INPP5D: variants seen among roughly 807,000 people sequenced by gnomAD.
INPP5D encodes the protein inositol polyphosphate-5-phosphatase D, also known as phosphatidylinositol 3,4,5-trisphosphate 5-phosphatase 1.
In INPP5D, 33 loss-of-function variants were observed where a neutral mutation model predicts 122.9. That is an observed-to-expected ratio of 0.27 (90% CI 0.20 to 0.36). INPP5D has a LOEUF of 0.36. INPP5D is among the 10% of genes least tolerant of loss of function. INPP5D has a pLI of 1.00. For synonymous variants in INPP5D, 584 were observed against 576.2 expected (o/e 1.01, Z -0.19); for missense variants, 1,053 against 1,412.7 (o/e 0.75, Z 4.08).
At chr2:233,098,810 G>A (rs893606439) in intron 2 of INPP5D, among the ~76,000 whole-genome samples, 2 of 152,180 alleles carry the variant, frequency 1.3e-5, no homozygotes, top group Admixed American at 1.3e-4. Context: ...CACGAGTGCA[G>A]TCTCACAGAC....
rs34084880 is a variant in INPP5D, at chr2:233,116,248, G to GATAGATAGATATAGAT, written c.199-5852_199-5851insGATATAGATATAGATA. Among the ~76,000 whole-genome samples the GATAGATAGATATAGAT allele has an allele frequency of 4.2e-3, 574 of 135,226 alleles. 11 individuals are homozygous for GATAGATAGATATAGAT. The highest frequency in any genetic ancestry group is 0.016 in the African/African-American group (519 of 32,042). The allele number at this position is 135,226 out of a possible 152,430, so 88.7% of individuals were successfully genotyped here. ...ATGTAGATAGATAGATAGATAGATA[G>GATAGATAGATATAGAT]ATAGATATAGATATAGATATAGATA... On this transcript the variant is annotated intron_variant, in intron 2 of 26. Transcript: ENST00000445964.
chr2:233,165,553 T>C (rs1406258780), intron 13 of INPP5D, among the ~76,000 whole-genome samples: 1 of 151,992 alleles, frequency 6.6e-6, no homozygotes, highest in Admixed American at 6.6e-5. Context: ...TGTGTGAGTG[T>C]CTATGTGTGT....
At chr2:233,173,150 A>C (rs1040508891) in intron 17 of INPP5D, among the ~76,000 whole-genome samples, 2 of 151,086 alleles carry the variant, frequency 1.3e-5, no homozygotes, top group African/African-American at 4.9e-5. Flanking sequence ...TGGAAGTTGC[A>C]GTGAGCCGAG....
At position 233,158,465 on chromosome 2, in the gene INPP5D, G is replaced by C. The variant is rs1406842482; in HGVS notation, c.1137+46G>C. 3 of 677,330 alleles carry C rather than the reference G, an allele frequency of 4.4e-6. No homozygotes were observed. The Admixed American group carries it at 6.5e-5, about 15-fold the overall frequency. 42.0% of individuals were successfully genotyped at this position (677,330 alleles called of 1,614,324 possible). On this transcript the variant is annotated intron_variant, in intron 10 of 26. Coordinates refer to ENST00000445964, the MANE Select transcript of INPP5D (RefSeq NM_001017915.3). ...AAAATGGGCTGTGAGGTAGGGAGGG[G>C]ACACAAGCGTTTTGAGGCTCGCTGT...
chr2:233,076,644 A>G (rs1384153641), intron 1 of INPP5D, among the ~76,000 whole-genome samples: 1 of 152,240 alleles, frequency 6.6e-6, no homozygotes, highest in East Asian at 1.9e-4. Flanking sequence ...TAACTCCAAA[A>G]TATATTGTAG....
intron 2 of INPP5D, among the ~76,000 whole-genome samples, chr2:233,080,181 C>T (rs756891847): frequency 6.6e-6 from 1 of 152,122 alleles, no homozygotes. Context: ...CTGCCCACCT[C>T]GGCCTCCCAA....
intron 2 of INPP5D, among the ~76,000 whole-genome samples, chr2:233,119,263 G>T (rs916809145): frequency 1.3e-5 from 2 of 152,150 alleles, no homozygotes; most frequent in African/African-American, 4.8e-5. Flanking sequence ...TTCAACTTCA[G>T]CTTTCTTTGG....
In INPP5D at chr2:233,170,341, C is replaced by A; in HGVS notation, c.1792-155C>A. ...GCCTCAGCCGCTCCTCACGGTTCCC[C>A]TGTGCTCACACCCGGTTCCCATAAC... On this transcript the variant is annotated intron_variant, in intron 15 of 26. Transcript: ENST00000445964. The surrounding 1 kb of genome is among the most constrained non-coding windows in gnomAD (Gnocchi z 4.5). 1.3e-6 allele frequency: 2 copies of A among 1,484,928 alleles called. No individual in the cohort carries two copies. The highest frequency in any genetic ancestry group is 1.8e-6 in the Non-Finnish European group (2 of 1,106,762). 92.0% of individuals were successfully genotyped at this position (1,484,928 alleles called of 1,614,324 possible). A position where few individuals can be genotyped will look rare whatever the true frequency, so the allele number is the denominator to read the frequency against.
At chr2:233,172,801 C>T (rs1354041236) in intron 17 of INPP5D, among the ~76,000 whole-genome samples, 2 of 152,168 alleles carry the variant, frequency 1.3e-5, no homozygotes, top group Non-Finnish European at 2.9e-5. Context: ...CCTATTGATC[C>T]TAGGCTACAA....
intron 1 of INPP5D, among the ~76,000 whole-genome samples, chr2:233,065,484 TG>T (rs1428339729): frequency 6.8e-6 from 1 of 147,278 alleles, no homozygotes; most frequent in East Asian, 2.0e-4. Context: ...ATTTTTTTTT[TG>T]TGTTATCCTC....
At chr2:233,186,413 T>C (rs1694916117) in intron 21 of INPP5D, among the ~76,000 whole-genome samples, 1 of 152,196 alleles carries the variant, frequency 6.6e-6, no homozygotes, top group Non-Finnish European at 1.5e-5. Flanking sequence ...ACACACGAAG[T>C]ACTCGACATG....
At chr2:233,167,099 C>T (rs1031098158) in intron 13 of INPP5D, among the ~76,000 whole-genome samples, 6 of 150,770 alleles carry the variant, frequency 4.0e-5, no homozygotes, top group Admixed American at 6.7e-5. Flanking sequence ...CTGCTAGGCA[C>T]GATGGCTCAT....
At chr2:233,121,985 A>G in intron 2 of INPP5D, 122 bp from the exon 3 acceptor site, 4 of 1,147,614 alleles carry the variant, frequency 3.5e-6, no homozygotes, top group South Asian at 1.4e-5. Context: ...TAGGAGCCCA[A>G]GGCTTTTCCT....
chr2:233,204,476 C>G lies in INPP5D; in HGVS notation c.3326C>G (p.Pro1109Arg), dbSNP rs767285687. Residue 1109 changes from proline to arginine, a missense_variant, in exon 26 of 27, where the codon CCG becomes CGG. Transcript: ENST00000445964. ...AAGAGCCAAGGGAAGCCCAAGACCC[C>G]GGTCAGCTCCCAGGCCCCGGTGCCG... ...GDKSQGKPKT[P>R]VSSQAPVPAK... is the part of the protein sequence containing the mutation. 3 of 1,587,630 alleles carry G rather than the reference C, an allele frequency of 1.9e-6. No individual in the cohort carries two copies. Among genetic ancestry groups the G allele is most frequent in the East Asian group, 4.6e-5 (2 of 43,300 alleles).
chr2:233,091,968 G>A (rs1692005336), intron 2 of INPP5D, among the ~76,000 whole-genome samples: 1 of 152,240 alleles, frequency 6.6e-6, no homozygotes, highest in African/African-American at 2.4e-5. Flanking sequence ...GAATGAAGGA[G>A]TAAATTTGCA....
chr2:233,079,243 C>T (rs941749350), intron 1 of INPP5D, 92 bp from the exon 2 acceptor site: 11 of 810,090 alleles, frequency 1.4e-5, no homozygotes, highest in African/African-American at 6.7e-5. Context: ...TGTCCAGATT[C>T]CTCAAGCTGT....
chr2:233,161,672 A>G, intron 10 of INPP5D, 52 bp from the exon 11 acceptor site: 1 of 1,546,344 alleles, frequency 6.5e-7, no homozygotes, highest in Non-Finnish European at 8.7e-7. Flanking sequence ...GCAAAGTGTA[A>G]TGTGCAGGGA....
Position 233,077,490 on chromosome 2 carries a change from T to C in INPP5D, c.135-1845T>C, listed in dbSNP as rs572447552. On this transcript the variant is annotated intron_variant, in intron 1 of 26. Coordinates refer to ENST00000445964, the MANE Select transcript of INPP5D (RefSeq NM_001017915.3). ...GCCTGACCAATATGGAGAAACCCCATCTCTACTAAAAATACAAAATTAGCT... is the reference window on the plus strand; with the variant it reads ...GCCTGACCAATATGGAGAAACCCCACCTCTACTAAAAATACAAAATTAGCT... Among the ~76,000 whole-genome samples, 25 of 152,144 alleles carry C rather than the reference T, an allele frequency of 1.6e-4. No homozygotes were observed. In the East Asian group the frequency reaches 4.8e-3, roughly 29 times the overall value.
chr2:233,186,288 C>G, intron 21 of INPP5D, among the ~76,000 whole-genome samples: 1 of 152,144 alleles, frequency 6.6e-6, no homozygotes, highest in East Asian at 1.9e-4. Flanking sequence ...AGGACGCAAC[C>G]CCAAGACCCC....
Sources: gnomAD v4.1 joint callset for allele counts (sites outside exome capture counted in the v4.1 genomes callset) on GRCh38, gnomAD v4.1.1 for gene constraint, Gnocchi (gnomAD v3.1) non-coding constraint, MANE v1.5 for transcripts, NCBI Gene and HGNC (gene_info 2026-07-23, HGNC 2026-07-21) for gene names.